CDH4: variants seen among roughly 807,000 people sequenced by gnomAD.
CDH4 encodes cadherin-4.
A neutral mutation model predicts 86.0 loss-of-function variants in CDH4; 33 were observed. The ratio of observed to expected loss-of-function variants is 0.38; its 90% CI spans 0.29 to 0.51. The LOEUF (loss-of-function observed/expected upper bound fraction) is 0.51, where lower values mean the gene tolerates loss of function less well. Ranked by LOEUF, CDH4 falls within the 20% of genes least tolerant of loss-of-function variation. CDH4 has a pLI of 0.86. For missense variants in CDH4, 1,114 were observed against 1,307.4 expected (o/e 0.85, Z 2.28); for synonymous variants, 555 against 549.4 (o/e 1.01, Z -0.14).
chr20:61,895,605 G>A (rs1208313946), intron 8 of CDH4, among the ~76,000 whole-genome samples: 1 of 152,248 alleles, frequency 6.6e-6, no homozygotes, highest in Non-Finnish European at 1.5e-5. Flanking sequence ...GGAACACGGT[G>A]GAGACAGGGC....
rs531309847 is a variant in CDH4, at chr20:61,671,958, T to C, written c.170-71605T>C. Among the ~76,000 whole-genome samples the C allele has an allele frequency of 2.3e-4, 34 of 150,398 alleles. 1 individual carries two copies. In the South Asian group the frequency reaches 7.8e-3, roughly 34 times the overall value. On this transcript the variant is annotated intron_variant, in intron 2 of 15. Transcript: ENST00000614565. Reference sequence around the variant, plus strand: ...GGATGATAGATGGTGGATGGATGTATGGTTGAATAAGCGGGTAGATAGATG... The same window carrying C: ...GGATGATAGATGGTGGATGGATGTACGGTTGAATAAGCGGGTAGATAGATG...
At chr20:61,739,594 C>A (rs2088308529) in intron 2 of CDH4, among the ~76,000 whole-genome samples, 1 of 152,260 alleles carries the variant, frequency 6.6e-6, no homozygotes, top group South Asian at 2.1e-4. Context: ...CCACCAGTTA[C>A]AACCTCTGTG....
chr20:61,565,174 GGTGGTGGTGGTGGTC>G (rs2086263519), intron 2 of CDH4, among the ~76,000 whole-genome samples: 1 of 112,354 alleles, frequency 8.9e-6, no homozygotes, highest in Non-Finnish European at 1.9e-5. Flanking sequence ...GTGATGGGGT[GGTGGTGGTGGTGGTC>G]CTCTTGGTGG....
chr20:61,374,553 G>A (rs573936880), intron 2 of CDH4, among the ~76,000 whole-genome samples: 37 of 152,160 alleles, frequency 2.4e-4, no homozygotes, highest in Non-Finnish European at 5.0e-4. Flanking sequence ...ATGGGATGAC[G>A]GTAGTACCGA....
chr20:61,401,054 G>A (rs553024364), intron 2 of CDH4, among the ~76,000 whole-genome samples: 62 of 152,294 alleles, frequency 4.1e-4, no homozygotes, highest in African/African-American at 1.4e-3. Context: ...CTCCTAGCAC[G>A]GTCCCTAGAC....
intron 2 of CDH4, among the ~76,000 whole-genome samples, chr20:61,495,471 G>C (rs1297048503): frequency 6.6e-6 from 1 of 152,216 alleles, no homozygotes; most frequent in Non-Finnish European, 1.5e-5. Context: ...CTGCAGGGCA[G>C]CCCGGGACTG....
At chr20:61,573,350 G>T (rs774777269) in intron 2 of CDH4, among the ~76,000 whole-genome samples, 1 of 152,230 alleles carries the variant, frequency 6.6e-6, no homozygotes, top group Non-Finnish European at 1.5e-5. Flanking sequence ...ATTGGCATTT[G>T]CCTTGAGATT....
chr20:61,713,881 G>A (rs1340611671), intron 2 of CDH4, among the ~76,000 whole-genome samples: 1 of 152,088 alleles, frequency 6.6e-6, no homozygotes, highest in Admixed American at 6.5e-5. Flanking sequence ...GGCGGGTGTG[G>A]GCATGGGACC....
intron 2 of CDH4, among the ~76,000 whole-genome samples, chr20:61,353,104 G>A (rs1265909711): frequency 6.6e-6 from 1 of 152,164 alleles, no homozygotes; most frequent in Admixed American, 6.5e-5. Context: ...ACTCTGTCCT[G>A]CTTCTTCTGC....
At chr20:61,803,154 C>T (rs905536653) in intron 4 of CDH4, among the ~76,000 whole-genome samples, 14 of 152,262 alleles carry the variant, frequency 9.2e-5, no homozygotes, top group African/African-American at 3.1e-4. Flanking sequence ...GGTGTGTCCG[C>T]GATGTGCTGT....
intron 6 of CDH4, among the ~76,000 whole-genome samples, chr20:61,866,752 G>A (rs978646591): frequency 2.0e-5 from 3 of 152,194 alleles, no homozygotes; most frequent in African/African-American, 7.2e-5. Context: ...GTTATCATGA[G>A]TGTGTTTTAT....
chr20:61,379,988 C>G (rs1413332565), intron 2 of CDH4, among the ~76,000 whole-genome samples: 1 of 140,530 alleles, frequency 7.1e-6, no homozygotes, highest in African/African-American at 2.8e-5. Context: ...TTGTTGCAGA[C>G]TTTTTTTACA....
chr20:61,791,780 C>T (rs768050326), intron 4 of CDH4, among the ~76,000 whole-genome samples: 23 of 152,116 alleles, frequency 1.5e-4, no homozygotes, highest in Non-Finnish European at 5.9e-5. Context: ...GGCAAGGAGC[C>T]GGCTGTGCAC....
At chr20:61,678,941 A>G (rs2087476086) in intron 2 of CDH4, among the ~76,000 whole-genome samples, 1 of 152,172 alleles carries the variant, frequency 6.6e-6, no homozygotes, top group Non-Finnish European at 1.5e-5. Context: ...AATTTGGGGG[A>G]CACTATTCAT....
At chr20:61,936,133 G>A (rs1454430452) in intron 15 of CDH4, among the ~76,000 whole-genome samples, 1 of 151,654 alleles carries the variant, frequency 6.6e-6, no homozygotes, top group Non-Finnish European at 1.5e-5. Context: ...GCCAGGTTCT[G>A]ACTTCTGTCC....
intron 2 of CDH4, among the ~76,000 whole-genome samples, chr20:61,378,161 G>A (rs1198936526): frequency 6.6e-6 from 1 of 152,218 alleles, no homozygotes; most frequent in African/African-American, 2.4e-5. Context: ...GGCTGAGGTG[G>A]GAGGGCTGCT....
intron 2 of CDH4, among the ~76,000 whole-genome samples, chr20:61,279,478 G>C (rs965429380): frequency 5.9e-5 from 9 of 152,032 alleles, no homozygotes; most frequent in African/African-American, 1.9e-4. Context: ...CCAGCAAGAG[G>C]CTCAGCTCCT....
intron 2 of CDH4, among the ~76,000 whole-genome samples, chr20:61,625,588 G>A (rs1038540228): frequency 6.6e-5 from 10 of 152,126 alleles, no homozygotes; most frequent in South Asian, 2.1e-4. Flanking sequence ...TCAAAGCAGC[G>A]AAAACAACAT....
chr20:61,348,321 C>T (rs947015224), intron 2 of CDH4, among the ~76,000 whole-genome samples: 10 of 152,230 alleles, frequency 6.6e-5, no homozygotes, highest in Middle Eastern at 3.4e-3. Context: ...GAGACTTATT[C>T]GCTATCACGA....
Sources: gnomAD v4.1 joint callset for allele counts (sites outside exome capture counted in the v4.1 genomes callset) on GRCh38, gnomAD v4.1.1 for gene constraint, MANE v1.5 for transcripts, NCBI Gene and HGNC (gene_info 2026-07-23, HGNC 2026-07-21) for gene names.